FHIT: variants seen among roughly 807,000 people sequenced by gnomAD.
The protein encoded by FHIT is bis(5'-adenosyl)-triphosphatase.
A neutral mutation model predicts 17.9 loss-of-function variants in FHIT; 19 were observed. The ratio of observed to expected loss-of-function variants is 1.06; its 90% CI spans 0.74 to 1.56. The LOEUF (loss-of-function observed/expected upper bound fraction) is 1.56. Ranked by LOEUF, FHIT falls within the 40% of genes most tolerant of loss-of-function variation. The pLI is 0.00. For synonymous variants in FHIT, 81 were observed against 69.7 expected (o/e 1.16, Z -0.81); for missense variants, 248 against 189.2 (o/e 1.31, Z -1.82).
intron 3 of FHIT, among the ~76,000 whole-genome samples, chr3:60,940,133 G>A (rs544197977): frequency 2.0e-5 from 3 of 152,060 alleles, no homozygotes; most frequent in South Asian, 2.1e-4. Flanking sequence ...GAATTTCTAC[G>A]GGATAAAGAC....
chr3:59,959,206 T>C (rs962309460), intron 7 of FHIT, among the ~76,000 whole-genome samples: 1 of 152,146 alleles, frequency 6.6e-6, no homozygotes, highest in Non-Finnish European at 1.5e-5. Flanking sequence ...ACAATCATCA[T>C]TACCACCAGA....
intron 5 of FHIT, among the ~76,000 whole-genome samples, chr3:60,169,995 T>A (rs988074687): frequency 2.0e-5 from 3 of 152,204 alleles, no homozygotes; most frequent in African/African-American, 7.2e-5. Flanking sequence ...TTTTCGATGA[T>A]CCAGCATTCC....
chr3:59,939,047 G>T (rs1706379979), intron 7 of FHIT, among the ~76,000 whole-genome samples: 1 of 152,132 alleles, frequency 6.6e-6, no homozygotes, highest in South Asian at 2.1e-4. Flanking sequence ...GATGAATACT[G>T]CTAAAGCAAT....
chr3:60,545,081 G>T (rs548717135), intron 4 of FHIT, among the ~76,000 whole-genome samples: 22 of 78,636 alleles, frequency 2.8e-4, no homozygotes, highest in African/African-American at 1.1e-3. Context: ...ACAATTTATT[G>T]TTTTCTGATT....
intron 5 of FHIT, among the ~76,000 whole-genome samples, chr3:60,280,174 T>A (rs1345580155): frequency 1.3e-5 from 2 of 152,004 alleles, no homozygotes; most frequent in African/African-American, 4.8e-5. Flanking sequence ...CCCACACTCA[T>A]TTATGAGTAG....
At chr3:60,077,614 G>C (rs1703072172) in intron 5 of FHIT, 1 of 150,462 alleles carries the variant, frequency 6.6e-6, no homozygotes, top group Non-Finnish European at 1.5e-5. Context: ...TGGCTAAATA[G>C]GGACATAAAA....
At chr3:60,144,870 T>A (rs1205374665) in intron 5 of FHIT, among the ~76,000 whole-genome samples, 2 of 152,186 alleles carry the variant, frequency 1.3e-5, no homozygotes, top group East Asian at 1.9e-4. Context: ...TTTTAATTCT[T>A]TTCTTAAATA....
At chr3:60,567,719 C>G (rs1042973596) in intron 4 of FHIT, among the ~76,000 whole-genome samples, 1 of 152,072 alleles carries the variant, frequency 6.6e-6, no homozygotes, top group Non-Finnish European at 1.5e-5. Flanking sequence ...TGACAAAGGG[C>G]TAATATCCAG....
chr3:60,433,261 T>C (rs1389046230), intron 5 of FHIT, among the ~76,000 whole-genome samples: 4 of 152,106 alleles, frequency 2.6e-5, no homozygotes, highest in Non-Finnish European at 5.9e-5. Flanking sequence ...AATGTTCATA[T>C]ATATATATGT....
chr3:60,347,982 C>A (rs1390837554), intron 5 of FHIT, among the ~76,000 whole-genome samples: 1 of 152,144 alleles, frequency 6.6e-6, no homozygotes, highest in Non-Finnish European at 1.5e-5. Flanking sequence ...TGGTCTCAAA[C>A]TCCTCACCTC....
intron 5 of FHIT, among the ~76,000 whole-genome samples, chr3:60,524,182 T>A (rs1299340840): frequency 6.8e-6 from 1 of 146,458 alleles, no homozygotes; most frequent in Non-Finnish European, 1.5e-5. Context: ...AGAGCTCACA[T>A]TCTAGTCAGC....
chr3:61,014,808 A>AAAAAAAACAT lies in FHIT; in HGVS notation c.-111+27238_-111+27239insATGTTTTTTT, dbSNP rs1156410696. On this transcript the variant is annotated intron_variant, in intron 3 of 9. Coordinates refer to ENST00000492590, the MANE Select transcript of FHIT (RefSeq NM_002012.4). ...AAAAAAAAAAAAAAAAAAAAAAAAA[A>AAAAAAAACAT]TATATATATATATATATGTATACAC... Among the ~76,000 whole-genome samples the AAAAAAAACAT allele has an allele frequency of 7.4e-5, 2 of 26,982 alleles. 1 individual carries two copies. The highest frequency in any genetic ancestry group is 2.2e-4 in the Non-Finnish European group (2 of 9,256). The allele number at this position is 26,982 out of a possible 152,430, so 17.7% of individuals were successfully genotyped here. A position where few individuals can be genotyped will look rare whatever the true frequency, so the allele number is the denominator to read the frequency against.
chr3:60,507,088 C>T (rs1342737406), intron 5 of FHIT, among the ~76,000 whole-genome samples: 2 of 152,010 alleles, frequency 1.3e-5, no homozygotes, highest in South Asian at 4.2e-4. Flanking sequence ...CAAGTAAATG[C>T]TATCAAGGAA....
intron 7 of FHIT, among the ~76,000 whole-genome samples, chr3:59,960,850 G>A (rs1427114816): frequency 6.6e-6 from 1 of 152,130 alleles, no homozygotes; most frequent in East Asian, 1.9e-4. Flanking sequence ...AACTTTTGTA[G>A]AATGAGGAGA....
At chr3:59,907,593 A>C (rs1316736272) in intron 8 of FHIT, among the ~76,000 whole-genome samples, 1 of 152,230 alleles carries the variant, frequency 6.6e-6, no homozygotes, top group African/African-American at 2.4e-5. Flanking sequence ...ATGAGTGGGC[A>C]CGTGCATGCA....
At chr3:60,144,582 AT>A (rs569336967) in intron 5 of FHIT, among the ~76,000 whole-genome samples, 51 of 152,098 alleles carry the variant, frequency 3.4e-4, no homozygotes, top group African/African-American at 1.1e-3. Flanking sequence ...TTAACTGAAG[AT>A]TTTTTTTAAT....
chr3:60,898,247 A>T (rs924857303), intron 3 of FHIT, among the ~76,000 whole-genome samples: 5 of 152,244 alleles, frequency 3.3e-5, no homozygotes, highest in African/African-American at 1.2e-4. Context: ...CTGTATAAAG[A>T]CATAAAATAT....
chr3:61,249,958 A>G (rs903610329), intron 1 of FHIT, among the ~76,000 whole-genome samples: 1 of 149,844 alleles, frequency 6.7e-6, no homozygotes, highest in African/African-American at 2.5e-5. Flanking sequence ...ACACACACAC[A>G]CACACACACA....
At chr3:60,237,697 T>C (rs1470542823) in intron 5 of FHIT, among the ~76,000 whole-genome samples, 1 of 152,184 alleles carries the variant, frequency 6.6e-6, no homozygotes, top group Non-Finnish European at 1.5e-5. Context: ...GTTTGCAGTT[T>C]TCCACTGTTA....
Sources: allele counts gnomAD v4.1 joint callset (sites outside exome capture counted in the v4.1 genomes callset), GRCh38; gene constraint gnomAD v4.1.1; transcripts MANE v1.5; gene names NCBI Gene and HGNC (gene_info 2026-07-23, HGNC 2026-07-21).